The following RBMS1 variants were observed in gnomAD, a reference collection of about 807,000 sequenced individuals.
RBMS1 encodes RNA binding motif single stranded interacting protein 1.
In RBMS1, 17 loss-of-function variants were observed where a neutral mutation model predicts 62.3. The observed-to-expected ratio is 0.27, with a 90% CI of 0.19 to 0.41. The LOEUF (loss-of-function observed/expected upper bound fraction) is 0.41. Among genes scored for constraint, RBMS1 ranks in the 10% least tolerant of loss-of-function variants. The probability of loss-of-function intolerance (pLI) is 1.00; values close to 1 mark genes in which losing one functional copy is unlikely to be tolerated. For missense variants in RBMS1, 334 were observed against 504.5 expected (o/e 0.66, Z 3.24); for synonymous variants, 172 against 170.0 (o/e 1.01, Z -0.09).
intron 2 of RBMS1, among the ~76,000 whole-genome samples, chr2:160,324,579 G>A (rs761044573): frequency 6.6e-6 from 1 of 151,894 alleles, no homozygotes; most frequent in Non-Finnish European, 1.5e-5. Flanking sequence ...CTTTAACTTT[G>A]AGAAAGGGCA....
At chr2:160,454,513 C>T (rs537512462) in intron 1 of RBMS1, among the ~76,000 whole-genome samples, 1 of 152,138 alleles carries the variant, frequency 6.6e-6, no homozygotes, top group South Asian at 2.1e-4. Context: ...TGGAACAATG[C>T]AAAGTGAAAG....
At chr2:160,433,726 G>A (rs1394010680) in intron 1 of RBMS1, among the ~76,000 whole-genome samples, 1 of 152,174 alleles carries the variant, frequency 6.6e-6, no homozygotes, top group Non-Finnish European at 1.5e-5. Flanking sequence ...GCTTGGCTTT[G>A]GAGACTGTTC....
chr2:160,415,489 T>A (rs59897382), intron 1 of RBMS1, among the ~76,000 whole-genome samples: 7,042 of 150,274 alleles, frequency 0.047, 324 homozygotes, highest in African/African-American at 0.12. Flanking sequence ...TTAGGAAATT[T>A]AAAAAAAAAA....
chr2:160,476,785 ACCTCGTGATCCGCCCG>A (rs1324109509), intron 1 of RBMS1, among the ~76,000 whole-genome samples: 1 of 151,042 alleles, frequency 6.6e-6, no homozygotes, highest in African/African-American at 2.4e-5. Context: ...CGATCTCCTG[ACCTCGTGATCCGCCCG>A]CCTCGGCCTC....
chr2:160,414,312 T>G (rs144400966), intron 1 of RBMS1, among the ~76,000 whole-genome samples: 1,597 of 150,976 alleles, frequency 0.011, 27 homozygotes, highest in African/African-American at 0.035. Flanking sequence ...TGTTTTTTTG[T>G]TTTTTTTTCT....
chr2:160,397,373 T>G (rs1573999080), intron 1 of RBMS1, among the ~76,000 whole-genome samples: 1 of 152,112 alleles, frequency 6.6e-6, no homozygotes, highest in South Asian at 2.1e-4. Flanking sequence ...TTCTCTAGCA[T>G]AACCCATTTT....
chr2:160,397,728 A>G (rs1573999753), intron 1 of RBMS1, among the ~76,000 whole-genome samples: 1 of 152,120 alleles, frequency 6.6e-6, no homozygotes, highest in African/African-American at 2.4e-5. Context: ...TTCTGTTTTA[A>G]AAGTTTACAA....
chr2:160,436,211 T>C (rs1351026975), intron 1 of RBMS1, among the ~76,000 whole-genome samples: 2 of 152,206 alleles, frequency 1.3e-5, no homozygotes, highest in Non-Finnish European at 2.9e-5. Context: ...GTGAGTGGCT[T>C]TGACCAATAA....
chr2:160,326,926 A>G (rs1690964898), intron 2 of RBMS1, among the ~76,000 whole-genome samples: 1 of 152,238 alleles, frequency 6.6e-6, no homozygotes, highest in Non-Finnish European at 1.5e-5. Context: ...GGGAAAAAGA[A>G]TCACAAAGTT....
chr2:160,400,576 C>T (rs917800817), intron 1 of RBMS1, among the ~76,000 whole-genome samples: 1 of 151,994 alleles, frequency 6.6e-6, no homozygotes, highest in Admixed American at 6.5e-5. Flanking sequence ...GTGATAATGC[C>T]TCTATATTTA....
chr2:160,466,632 C>G (rs984267184), intron 1 of RBMS1, among the ~76,000 whole-genome samples: 1 of 152,184 alleles, frequency 6.6e-6, no homozygotes, highest in Non-Finnish European at 1.5e-5. Flanking sequence ...GTTCCAGAAC[C>G]CACACCTATG....
At chr2:160,403,957 T>C (rs1695562355) in intron 1 of RBMS1, among the ~76,000 whole-genome samples, 2 of 152,038 alleles carry the variant, frequency 1.3e-5, no homozygotes, top group African/African-American at 4.8e-5. Flanking sequence ...TGAGTATAAA[T>C]CACTTTTTTT....
chr2:160,399,110 T>A (rs1172060973), intron 1 of RBMS1, among the ~76,000 whole-genome samples: 1 of 152,214 alleles, frequency 6.6e-6, no homozygotes, highest in Non-Finnish European at 1.5e-5. Flanking sequence ...AAATCTTTGC[T>A]GAATCAATGT....
intron 1 of RBMS1, among the ~76,000 whole-genome samples, chr2:160,422,637 C>A (rs80181793): frequency 2.0e-5 from 3 of 151,764 alleles, no homozygotes; most frequent in South Asian, 2.1e-4. Context: ...CAGCTCCCCC[C>A]GCCCCACCAC....
chr2:160,323,617 A>AAAC (rs1443212920), intron 2 of RBMS1, among the ~76,000 whole-genome samples: 3 of 147,394 alleles, frequency 2.0e-5, no homozygotes, highest in Non-Finnish European at 2.9e-5. Context: ...TGAAAGAAAA[A>AAAC]AAAAAAAAAA....
chr2:160,483,253 T>C (rs1685444599), intron 1 of RBMS1, among the ~76,000 whole-genome samples: 2 of 152,064 alleles, frequency 1.3e-5, no homozygotes, highest in Non-Finnish European at 2.9e-5. Context: ...ATTCAAAAAG[T>C]AGAAAAAATG....
chr2:160,485,834 A>T (rs1311964932), intron 1 of RBMS1, among the ~76,000 whole-genome samples: 2 of 152,162 alleles, frequency 1.3e-5, no homozygotes, highest in Non-Finnish European at 2.9e-5. Context: ...AAACAATGAA[A>T]TTAATCAGAG....
At chr2:160,290,503 CTATAAAAATGA>C (rs1337885778) in intron 6 of RBMS1, among the ~76,000 whole-genome samples, 1 of 152,088 alleles carries the variant, frequency 6.6e-6, no homozygotes, top group Non-Finnish European at 1.5e-5. Flanking sequence ...TGTTAAAGTA[CTATAAAAATGA>C]TATAACCTAC....
intron 2 of RBMS1, among the ~76,000 whole-genome samples, chr2:160,318,930 A>G (rs1051965237): frequency 1.3e-5 from 2 of 152,254 alleles, no homozygotes; most frequent in Non-Finnish European, 2.9e-5. Flanking sequence ...GAAGAAGAAT[A>G]TAAGAATTAA....
Sources: gnomAD v4.1 joint callset for allele counts (sites outside exome capture counted in the v4.1 genomes callset) on GRCh38, gnomAD v4.1.1 for gene constraint, MANE v1.5 for transcripts, NCBI Gene and HGNC (gene_info 2026-07-23, HGNC 2026-07-21) for gene names.